Variants in PTPN13 observed in about 807,000 individuals in gnomAD.
The protein encoded by PTPN13 is tyrosine-protein phosphatase non-receptor type 13.
In PTPN13, 191 loss-of-function variants were observed where a neutral mutation model predicts 284.0. The ratio of observed to expected loss-of-function variants is 0.67; its 90% CI spans 0.60 to 0.76. The LOEUF (loss-of-function observed/expected upper bound fraction) is 0.76, where lower values mean the gene tolerates loss of function less well. Among genes scored for constraint, PTPN13 ranks in the 30% least tolerant of loss-of-function variants. The pLI is 0.00. For synonymous variants in PTPN13, 986 were observed against 1,022.3 expected (o/e 0.96, Z 0.68); for missense variants, 2,797 against 2,939.9 (o/e 0.95, Z 1.12).
At chr4:86,697,151 C>A (rs867902759) in intron 6 of PTPN13, among the ~76,000 whole-genome samples, 63 of 152,218 alleles carry the variant, frequency 4.1e-4, no homozygotes, top group African/African-American at 1.4e-3. Context: ...GGACACTTGG[C>A]AGTGCCAGTT....
intron 4 of PTPN13, among the ~76,000 whole-genome samples, chr4:86,688,453 A>G (rs1378975211): frequency 6.6e-6 from 1 of 152,090 alleles, no homozygotes; most frequent in Non-Finnish European, 1.5e-5. Flanking sequence ...TTCAGATATA[A>G]TATTCTACAA....
At chr4:86,797,680 A>C (rs778222928) in intron 41 of PTPN13, among the ~76,000 whole-genome samples, 41 of 152,062 alleles carry the variant, frequency 2.7e-4, no homozygotes, top group Non-Finnish European at 5.1e-4. Flanking sequence ...GTCTTCACCT[A>C]TTGGGTTATG....
At chr4:86,657,338 T>C (rs1725966816) in intron 2 of PTPN13, among the ~76,000 whole-genome samples, 1 of 152,238 alleles carries the variant, frequency 6.6e-6, no homozygotes, top group Non-Finnish European at 1.5e-5. Flanking sequence ...AGACTGGAGC[T>C]GTTCCTATTC....
chr4:86,714,259 T>C (rs1350570651), intron 7 of PTPN13, among the ~76,000 whole-genome samples: 6 of 152,126 alleles, frequency 3.9e-5, no homozygotes, highest in Admixed American at 1.3e-4. Context: ...CAAGAGGTGA[T>C]TGACTTTTTA....
chr4:86,631,393 A>G (rs1259522935), intron 1 of PTPN13, among the ~76,000 whole-genome samples: 1 of 152,162 alleles, frequency 6.6e-6, no homozygotes, highest in African/African-American at 2.4e-5. Flanking sequence ...GTGAGAGAGA[A>G]AGATGGTGCT....
At chr4:86,639,599 T>C (rs928212561) in intron 2 of PTPN13, among the ~76,000 whole-genome samples, 4 of 151,182 alleles carry the variant, frequency 2.6e-5, no homozygotes, top group African/African-American at 7.3e-5. Flanking sequence ...AACACCGCCA[T>C]GTTCTCTCTC....
chr4:86,814,526 A>T lies in PTPN13; in HGVS notation c.7433A>T (p.Lys2478Ile). The T allele has an allele frequency of 6.2e-7, 1 of 1,612,250 alleles. No individual in the cohort carries two copies. Among genetic ancestry groups the T allele is most frequent in the Non-Finnish European group, 8.5e-7 (1 of 1,178,820 alleles). The change falls in exon 48 of 48, where the codon AAA becomes ATA. Residue 2478 changes from lysine (K) to isoleucine (I), a missense_variant. Transcript: ENST00000411767. Reference sequence around the variant, plus strand: ...CGTCTTCAAGCAGAAGAAGAGCAAAAACAGCAGCCTCAGCTTCTGAAGTGA... The same window carrying T: ...CGTCTTCAAGCAGAAGAAGAGCAAATACAGCAGCCTCAGCTTCTGAAGTGA... ...LTRLQAEEEQ[K>I]QQPQLLK
In PTPN13 at chr4:86,780,073, AAAG is replaced by A. The variant is rs1741119418; in HGVS notation, c.5892-325_5892-323del. 2.0e-5 allele frequency among the ~76,000 whole-genome samples: 3 copies of A among 152,144 alleles called. No homozygotes were observed. The South Asian group carries it at 6.2e-4, about 31-fold the overall frequency. On this transcript the variant is annotated intron_variant, in intron 35 of 47. Transcript: ENST00000411767. The stretch of plus-strand genomic sequence containing the variant: ...ACTGAAGCCCAGAGAAAACCTACGT[AAAG>A]AAGTGATTCTTAATCTTTTTTGGGT...
At chr4:86,800,704 CAGGGAGGG>C (rs889786582) in intron 42 of PTPN13, among the ~76,000 whole-genome samples, 6 of 134,090 alleles carry the variant, frequency 4.5e-5, no homozygotes, top group African/African-American at 1.7e-4. Flanking sequence ...GGGAAGAAAG[CAGGGAGGG>C]AGGGAGGGAG....
At position 86,767,972 on chromosome 4, in the gene PTPN13, T is replaced by C; in HGVS notation, c.4485T>C (p.Thr1495=). Residue 1495 remains threonine, a synonymous_variant, in exon 28 of 48, where the codon ACT becomes ACC. Transcript: ENST00000411767. ...AGGTCAAAGACTACAGCTTTGTCACTGAAGGTCAGGCCTTGGGAGACTACA... is the reference window on the plus strand; with the variant it reads ...AGGTCAAAGACTACAGCTTTGTCACCGAAGGTCAGGCCTTGGGAGACTACA... ...TTQVKDYSFV[T]EENTFEVKLF... is the part of the protein sequence containing the mutation. 1 of 1,609,938 alleles carries C rather than the reference T, an allele frequency of 6.2e-7. No homozygotes were observed. Among genetic ancestry groups the C allele is most frequent in the South Asian group, 1.1e-5 (1 of 89,940 alleles).
chr4:86,595,372 C>A (rs1190066890), intron 1 of PTPN13, among the ~76,000 whole-genome samples: 1 of 151,868 alleles, frequency 6.6e-6, no homozygotes, highest in African/African-American at 2.4e-5. Flanking sequence ...ACACTCTACC[C>A]TCCGGCCCCC....
At chr4:86,760,394 A>G (rs1167455593) in intron 23 of PTPN13, among the ~76,000 whole-genome samples, 1 of 152,216 alleles carries the variant, frequency 6.6e-6, no homozygotes, top group Non-Finnish European at 1.5e-5. Flanking sequence ...TCTGAATCAT[A>G]GGAATGCAGA....
intron 1 of PTPN13, among the ~76,000 whole-genome samples, chr4:86,631,247 G>A (rs1451623787): frequency 6.6e-6 from 1 of 152,092 alleles, no homozygotes; most frequent in Non-Finnish European, 1.5e-5. Flanking sequence ...GTCCTCATCT[G>A]TTGGTTGACT....
At chr4:86,735,873 T>G in intron 15 of PTPN13, 127 bp downstream of exon 15, 1 of 797,332 alleles carries the variant, frequency 1.3e-6, no homozygotes, top group South Asian at 2.2e-5. Context: ...ATCTCATTGC[T>G]GGCTAAAATT....
chr4:86,750,705 G>C lies in PTPN13; in HGVS notation c.2886G>C (p.Lys962Asn). ...EKNDKASWEE[K>N]PREMSKSYHD... ...ATGACAAAGCTTCATGGGAGGAAAAGCCTAGAGAGATGAGTAAATCATACC... is the reference window on the plus strand; with the variant it reads ...ATGACAAAGCTTCATGGGAGGAAAACCCTAGAGAGATGAGTAAATCATACC... The change falls in exon 18 of 48, where the codon AAG (lysine) becomes AAC (asparagine). Residue 962 changes from lysine (K) to asparagine (N), a missense_variant. Transcript: ENST00000411767. 1 of 1,613,818 alleles carries C rather than the reference G, an allele frequency of 6.2e-7. No homozygotes were observed. The highest frequency in any genetic ancestry group is 8.5e-7 in the Non-Finnish European group (1 of 1,179,816).
At chr4:86,709,323 G>A (rs1188502114) in intron 7 of PTPN13, among the ~76,000 whole-genome samples, 1 of 152,052 alleles carries the variant, frequency 6.6e-6, no homozygotes, top group Non-Finnish European at 1.5e-5. Flanking sequence ...TTGCTTTTCA[G>A]GAGCTTGTCT....
chr4:86,705,541 ATTTC>A (rs1003897121), intron 7 of PTPN13, among the ~76,000 whole-genome samples: 9 of 152,128 alleles, frequency 5.9e-5, no homozygotes, highest in African/African-American at 1.2e-4. Flanking sequence ...TATTGTACAC[ATTTC>A]TTTCTTAAAC....
intron 3 of PTPN13, among the ~76,000 whole-genome samples, chr4:86,678,737 C>T (rs1728568550): frequency 6.6e-6 from 1 of 152,160 alleles, no homozygotes; most frequent in African/African-American, 2.4e-5. Flanking sequence ...ATTTTTCATT[C>T]ACCTCTGGCC....
chr4:86,654,525 G>A (rs1725503704), intron 2 of PTPN13, among the ~76,000 whole-genome samples: 1 of 152,204 alleles, frequency 6.6e-6, no homozygotes, highest in Admixed American at 6.5e-5. Context: ...TCAGAAGCAG[G>A]TTGTTCAGTT....
Sources: gnomAD v4.1 joint callset for allele counts (sites outside exome capture counted in the v4.1 genomes callset) on GRCh38, gnomAD v4.1.1 for gene constraint, MANE v1.5 for transcripts, NCBI Gene and HGNC (gene_info 2026-07-23, HGNC 2026-07-21) for gene names.